Variants in PDE4D observed in about 807,000 individuals in gnomAD.
PDE4D encodes phosphodiesterase 4D, also known as 3',5'-cyclic-AMP phosphodiesterase 4D.
Under a neutral mutation model 87.4 loss-of-function variants are expected in PDE4D, and 24 were observed. The ratio of observed to expected loss-of-function variants is 0.27; its 90% CI spans 0.20 to 0.39. PDE4D has a LOEUF of 0.39. PDE4D is among the 10% of genes least tolerant of loss of function. The pLI is 1.00. For missense variants in PDE4D, 714 were observed against 1,041.0 expected (o/e 0.69, Z 4.32); for synonymous variants, 384 against 383.2 (o/e 1.00, Z -0.02).
chr5:59,259,020 T>C (rs981549774), intron 1 of PDE4D, among the ~76,000 whole-genome samples: 1 of 151,892 alleles, frequency 6.6e-6, no homozygotes, highest in African/African-American at 2.4e-5. Context: ...ATCATTTCAC[T>C]TGTGAGAGAT....
intron 5 of PDE4D, among the ~76,000 whole-genome samples, chr5:59,077,389 T>C (rs541408251): frequency 1.3e-5 from 2 of 152,248 alleles, no homozygotes; most frequent in East Asian, 3.9e-4. Flanking sequence ...TAATTTGTTT[T>C]GAATTGTAAA....
chr5:60,195,422 G>T (rs1741103366), intron 1 of PDE4D, among the ~76,000 whole-genome samples: 2 of 151,688 alleles, frequency 1.3e-5, no homozygotes, highest in South Asian at 4.2e-4. Context: ...GATTTCTGCT[G>T]AATTGAACAG....
chr5:60,248,237 GA>G (rs1328951868), intron 1 of PDE4D, among the ~76,000 whole-genome samples: 1 of 152,006 alleles, frequency 6.6e-6, no homozygotes, highest in Non-Finnish European at 1.5e-5. Flanking sequence ...ATATCTGGGG[GA>G]AGAATATTCT....
intron 1 of PDE4D, among the ~76,000 whole-genome samples, chr5:59,336,593 T>C (rs550498152): frequency 6.6e-6 from 1 of 152,336 alleles, no homozygotes; most frequent in African/African-American, 2.4e-5. Flanking sequence ...CTTAGCAAAC[T>C]GCTTACTCAC....
intron 5 of PDE4D, among the ~76,000 whole-genome samples, chr5:59,120,818 C>T (rs531860173): frequency 1.3e-5 from 2 of 152,204 alleles, no homozygotes; most frequent in East Asian, 3.9e-4. Context: ...GGTATAAAAA[C>T]AGACACATAG....
chr5:60,504,615 T>C (rs1007012730), intron 1 of PDE4D, among the ~76,000 whole-genome samples: 8 of 152,154 alleles, frequency 5.3e-5, no homozygotes, highest in African/African-American at 7.2e-5. Context: ...TGCAGCAAGC[T>C]CCAGGTTGAA....
intron 2 of PDE4D, among the ~76,000 whole-genome samples, chr5:60,107,476 G>T (rs950150543): frequency 3.4e-4 from 51 of 152,138 alleles, no homozygotes; most frequent in African/African-American, 1.2e-3. Flanking sequence ...CCAATCAATA[G>T]AAAAAGAGGG....
intron 1 of PDE4D, among the ~76,000 whole-genome samples, chr5:60,470,120 A>G (rs1442261753): frequency 6.6e-6 from 1 of 152,190 alleles, no homozygotes; most frequent in Admixed American, 6.5e-5. Context: ...AAAGCAAAAC[A>G]GCCTTATTGC....
chr5:60,381,857 A>C (rs1172158762), intron 1 of PDE4D, among the ~76,000 whole-genome samples: 3 of 152,198 alleles, frequency 2.0e-5, no homozygotes, highest in Non-Finnish European at 4.4e-5. Flanking sequence ...TGAGGAAAAG[A>C]TTAGAGAAAA....
intron 1 of PDE4D, among the ~76,000 whole-genome samples, chr5:59,257,507 C>A (rs1761196990): frequency 6.6e-6 from 1 of 152,038 alleles, no homozygotes; most frequent in Non-Finnish European, 1.5e-5. Context: ...GCCAATATTA[C>A]ATTCTTTGGG....
At chr5:59,451,890 T>G (rs1265987537) in intron 1 of PDE4D, among the ~76,000 whole-genome samples, 1 of 152,224 alleles carries the variant, frequency 6.6e-6, no homozygotes, top group Non-Finnish European at 1.5e-5. Context: ...ACCTTCTTTC[T>G]CTTGTATGTC....
intron 1 of PDE4D, among the ~76,000 whole-genome samples, chr5:59,721,266 T>TGGGAAA (rs1755788685): frequency 1.3e-5 from 2 of 152,184 alleles, no homozygotes; most frequent in Admixed American, 1.3e-4. Flanking sequence ...TATTATTATT[T>TGGGAAA]CTCTTCTATT....
At chr5:59,292,251 T>A (rs1768181484) in intron 1 of PDE4D, among the ~76,000 whole-genome samples, 1 of 152,150 alleles carries the variant, frequency 6.6e-6, no homozygotes, top group Admixed American at 6.6e-5. Flanking sequence ...ATAGTTAACC[T>A]TTTTCTTGTT....
intron 6 of PDE4D, among the ~76,000 whole-genome samples, chr5:59,012,317 G>A (rs1056028475): frequency 3.3e-5 from 5 of 152,154 alleles, no homozygotes; most frequent in Admixed American, 6.5e-5. Context: ...AACCTTATAT[G>A]TAAATGGGCT....
chr5:59,503,400 A>C (rs1808675581), intron 1 of PDE4D, among the ~76,000 whole-genome samples: 1 of 152,202 alleles, frequency 6.6e-6, no homozygotes, highest in Admixed American at 6.5e-5. Context: ...GGTTCACAGC[A>C]AAGGTTCCCA....
intron 1 of PDE4D, chr5:59,586,519 A>AG (rs1825163390): frequency 3.5e-6 from 5 of 1,445,714 alleles, no homozygotes; most frequent in Non-Finnish European, 4.5e-6. Context: ...AAAAAAAAAA[A>AG]AATCTCCCCC....
At chr5:59,368,484 A>AT (rs1783439967) in intron 1 of PDE4D, among the ~76,000 whole-genome samples, 1 of 152,216 alleles carries the variant, frequency 6.6e-6, no homozygotes, top group African/African-American at 2.4e-5. Flanking sequence ...AAATATTGCC[A>AT]TTTGAGTAAT....
At chr5:60,408,949 T>C (rs995508191) in intron 1 of PDE4D, among the ~76,000 whole-genome samples, 1 of 152,240 alleles carries the variant, frequency 6.6e-6, no homozygotes, top group African/African-American at 2.4e-5. Flanking sequence ...TTCAGTCACT[T>C]ATCATGTATT....
intron 2 of PDE4D, chr5:60,147,635 A>T: frequency 3.3e-6 from 1 of 306,294 alleles, no homozygotes; most frequent in Non-Finnish European, 6.6e-6. Context: ...CTAAGGATCA[A>T]GAATTCAGGA....
Sources: allele counts gnomAD v4.1 joint callset (sites outside exome capture counted in the v4.1 genomes callset), GRCh38; gene constraint gnomAD v4.1.1; transcripts MANE v1.5; gene names NCBI Gene and HGNC (gene_info 2026-07-23, HGNC 2026-07-21).